The following ERC1 variants were observed in gnomAD, a reference collection of about 807,000 sequenced individuals.
ERC1 encodes the protein RAB6 interacting protein 2.
Under a neutral mutation model 132.0 loss-of-function variants are expected in ERC1, and 56 were observed. The observed-to-expected ratio is 0.42, with a 90% CI of 0.34 to 0.53. The LOEUF is 0.53. ERC1 is among the 20% of genes least tolerant of loss of function. ERC1 has a pLI of 0.03. For missense variants in ERC1, 1,202 were observed against 1,349.9 expected (o/e 0.89, Z 1.72); for synonymous variants, 478 against 476.1 (o/e 1.00, Z -0.05).
intron 1 of ERC1, among the ~76,000 whole-genome samples, chr12:1,018,527 T>C (rs139048939): frequency 6.6e-6 from 1 of 152,328 alleles, no homozygotes; most frequent in African/African-American, 2.4e-5. Flanking sequence ...ATTCATAAAA[T>C]TTGGATACTG....
chr12:1,442,223 C>T (rs1472774429), intron 17 of ERC1, among the ~76,000 whole-genome samples: 2 of 152,164 alleles, frequency 1.3e-5, no homozygotes, highest in Non-Finnish European at 2.9e-5. Flanking sequence ...CCACCATGCC[C>T]GACCACAAGT....
At position 1,112,243 on chromosome 12, in the gene ERC1, C is replaced by T. The variant is rs896967311; in HGVS notation, c.1346C>T (p.Ser449Leu). 26 of 1,612,988 alleles carry T rather than the reference C, an allele frequency of 1.6e-5. No individual in the cohort carries two copies. Among genetic ancestry groups the T allele is most frequent in the Non-Finnish European group, 2.0e-5 (24 of 1,179,236 alleles). ...GAACAACTGAAGGAGGAACTAAGTT[C>T]GAAAGAGGCTCAATGGGAGGAGCTG... ...KVEQLKEELS[S>L]KEAQWEELKK... The change falls in exon 6 of 19, where the codon TCG (serine) becomes TTG (leucine). Residue 449 changes from serine to leucine, a missense_variant. Physicochemically the swap from Ser to Leu is moderately radical, Grantham distance 145. Transcript: ENST00000360905.
At chr12:1,277,667 C>CA (rs928198547) in intron 14 of ERC1, among the ~76,000 whole-genome samples, 4 of 151,734 alleles carry the variant, frequency 2.6e-5, no homozygotes, top group Middle Eastern at 3.4e-3. Flanking sequence ...TTCTGTCTTA[C>CA]AAAAAAAATA....
At chr12:1,200,391 T>C (rs1956793171) in intron 12 of ERC1, among the ~76,000 whole-genome samples, 1 of 152,202 alleles carries the variant, frequency 6.6e-6, no homozygotes, top group South Asian at 2.1e-4. Context: ...AAGAAAACTT[T>C]ACTGACCTCC....
At chr12:1,420,100 T>C (rs919045158) in intron 17 of ERC1, among the ~76,000 whole-genome samples, 3 of 152,168 alleles carry the variant, frequency 2.0e-5, no homozygotes, top group Non-Finnish European at 4.4e-5. Flanking sequence ...GACACTGTTC[T>C]TCCTTGATTT....
intron 8 of ERC1, among the ~76,000 whole-genome samples, chr12:1,165,430 C>T (rs536043882): frequency 3.3e-5 from 5 of 151,972 alleles, no homozygotes; most frequent in Non-Finnish European, 4.4e-5. Flanking sequence ...CTCAGCCTCC[C>T]GAGTAGCTGG....
At chr12:1,098,151 A>G (rs1944275355) in intron 3 of ERC1, among the ~76,000 whole-genome samples, 5 of 152,218 alleles carry the variant, frequency 3.3e-5, no homozygotes, top group Admixed American at 3.3e-4. Context: ...TATCTGGGCC[A>G]TCACCTTGTT....
At chr12:1,457,486 T>C (rs2093562699) in intron 18 of ERC1, among the ~76,000 whole-genome samples, 1 of 152,166 alleles carries the variant, frequency 6.6e-6, no homozygotes, top group Non-Finnish European at 1.5e-5. Flanking sequence ...GTTCATCTCA[T>C]AAAAACCGTT....
chr12:1,209,463 G>A lies in ERC1; in HGVS notation c.2351+19411G>A, dbSNP rs1442137481. On this transcript the variant is annotated intron_variant, in intron 12 of 18. Transcript: ENST00000360905. ...ATTGGCTAGTCTGTCACCATTTGTA[G>A]CCTGTTGTATGAGATGTTCCTATAG... 2.7e-5 allele frequency among the ~76,000 whole-genome samples: 4 copies of A among 150,446 alleles called. No individual in the cohort carries two copies. In the South Asian group the frequency reaches 8.4e-4, roughly 31 times the overall value.
chr12:1,361,343 G>T (rs1036443374), intron 15 of ERC1, among the ~76,000 whole-genome samples: 3 of 151,632 alleles, frequency 2.0e-5, no homozygotes, highest in Non-Finnish European at 4.4e-5. Context: ...CACCAACAGG[G>T]CACATGTATA....
intron 17 of ERC1, among the ~76,000 whole-genome samples, chr12:1,420,522 C>A (rs935208875): frequency 1.3e-5 from 2 of 152,170 alleles, no homozygotes; most frequent in South Asian, 2.1e-4. Context: ...GTGGCACAAT[C>A]TCGGCTCGCT....
At chr12:1,123,091 A>T (rs2154222511) in intron 7 of ERC1, among the ~76,000 whole-genome samples, 1 of 152,300 alleles carries the variant, frequency 6.6e-6, no homozygotes, top group Admixed American at 6.5e-5. Context: ...TTGTGGGAAG[A>T]TGTAGATACT....
In ERC1 at chr12:1,438,970, TAA is replaced by T. The variant is rs1491495404; in HGVS notation, c.3025-5587_3025-5586del. Among the ~76,000 whole-genome samples, 308 of 145,248 alleles carry T rather than the reference TAA, an allele frequency of 2.1e-3. 2 individuals carry two copies. The highest frequency in any genetic ancestry group is 7.9e-3 in the African/African-American group (286 of 35,990). On this transcript the variant is annotated intron_variant, in intron 17 of 18. Coordinates refer to ENST00000360905, the MANE Select transcript of ERC1 (RefSeq NM_178040.4). ...TTAAAAAAAAATATATATATATATA[TAA>T]AAAATGACATCTTTCAACGGACAAA...
In ERC1 at chr12:1,205,104, A is replaced by G. The variant is rs1019329336; in HGVS notation, c.2351+15052A>G. On this transcript the variant is annotated intron_variant, in intron 12 of 18. Transcript: ENST00000360905. ...TTTGTTTCAGTTGATCTTAGCAACT[A>G]TGAAGAGAGATTTATTATTTTGATT... Among the ~76,000 whole-genome samples, 22 of 152,334 alleles carry G rather than the reference A, an allele frequency of 1.4e-4. No individual in the cohort carries two copies. The East Asian group carries it at 4.2e-3, about 29-fold the overall frequency.
intron 2 of ERC1, among the ~76,000 whole-genome samples, chr12:1,060,030 T>G (rs1190729336): frequency 6.6e-6 from 1 of 152,208 alleles, no homozygotes; most frequent in African/African-American, 2.4e-5. Context: ...TGTTGTTCTG[T>G]TCAGGTTTAC....
rs568666509 is a variant in ERC1 at position 1,409,128 on chromosome 12, G to T, written c.3024+881G>T. On this transcript the variant is annotated intron_variant, in intron 17 of 18. Transcript: ENST00000360905. ...AATAGTGCAGATGAAAGCAGCAATG[G>T]TATTCAAATTGCTGTTGCTTCCAAG... Among the ~76,000 whole-genome samples, 3 of 152,338 alleles carry T rather than the reference G, an allele frequency of 2.0e-5. No individual in the cohort carries two copies. In the East Asian group the frequency reaches 5.8e-4, roughly 29 times the overall value.
chr12:1,269,870 C>G (rs2077711344), intron 14 of ERC1, among the ~76,000 whole-genome samples: 2 of 152,212 alleles, frequency 1.3e-5, no homozygotes, highest in Admixed American at 6.5e-5. Context: ...TCTCCTGACT[C>G]TTACTATCCT....
At chr12:1,384,547 A>T (rs924739992) in intron 16 of ERC1, among the ~76,000 whole-genome samples, 2 of 152,134 alleles carry the variant, frequency 1.3e-5, no homozygotes, top group Admixed American at 1.3e-4. Context: ...ATTTTTTTTA[A>T]TTTTAAGAAT....
chr12:1,026,027 G>A (rs1042140129), intron 1 of ERC1, among the ~76,000 whole-genome samples: 2 of 151,986 alleles, frequency 1.3e-5, no homozygotes, highest in African/African-American at 4.8e-5. Flanking sequence ...AACTCTTGAT[G>A]TCAGGTGATC....
Sources: gnomAD v4.1 joint callset for allele counts (sites outside exome capture counted in the v4.1 genomes callset) on GRCh38, gnomAD v4.1.1 for gene constraint, MANE v1.5 for transcripts, NCBI Gene and HGNC (gene_info 2026-07-23, HGNC 2026-07-21) for gene names.